The following NELL1 variants were observed in gnomAD, a reference collection of about 807,000 sequenced individuals.
NELL1 encodes the protein neural EGFL like 1.
Under a neutral mutation model 107.4 loss-of-function variants are expected in NELL1, and 76 were observed. That is an observed-to-expected ratio of 0.71 (90% CI 0.59 to 0.86). The LOEUF (loss-of-function observed/expected upper bound fraction) is 0.86, where lower values mean the gene tolerates loss of function less well. NELL1 is among the 40% of genes least tolerant of loss of function. NELL1 has a pLI of 0.00. For synonymous variants in NELL1, 353 were observed against 341.2 expected, an observed-to-expected ratio of 1.03 and a Z score of -0.38; for missense variants, 1,024 against 1,005.5, an observed-to-expected ratio of 1.02 and a Z score of -0.25.
chr11:21,070,365 C>A (rs560975337), intron 12 of NELL1, among the ~76,000 whole-genome samples: 1 of 151,978 alleles, frequency 6.6e-6, no homozygotes, highest in Non-Finnish European at 1.5e-5. Flanking sequence ...GTTTGAGGAT[C>A]CTGGATGAAC....
intron 10 of NELL1, among the ~76,000 whole-genome samples, chr11:20,939,643 AC>A (rs1850807126): frequency 6.6e-6 from 1 of 152,104 alleles, no homozygotes; most frequent in African/African-American, 2.4e-5. Flanking sequence ...TGGAATTATC[AC>A]CCCATTAAGA....
intron 14 of NELL1, among the ~76,000 whole-genome samples, chr11:21,360,648 T>C (rs1851056281): frequency 6.6e-6 from 1 of 152,162 alleles, no homozygotes; most frequent in African/African-American, 2.4e-5. Flanking sequence ...CTAGTAGTAA[T>C]TGTTTTGTAA....
chr11:21,063,396 A>C (rs1385753107), intron 12 of NELL1, among the ~76,000 whole-genome samples: 1 of 151,996 alleles, frequency 6.6e-6, no homozygotes, highest in African/African-American at 2.4e-5. Flanking sequence ...ATTTAGTTGA[A>C]CTCAATCTCT....
At chr11:20,908,970 T>C (rs1349053295) in intron 5 of NELL1, among the ~76,000 whole-genome samples, 2 of 152,326 alleles carry the variant, frequency 1.3e-5, no homozygotes, top group African/African-American at 4.8e-5. Flanking sequence ...ACTTGGTATA[T>C]GTATCCAGTG....
intron 13 of NELL1, among the ~76,000 whole-genome samples, chr11:21,161,589 A>G (rs1044860897): frequency 1.3e-5 from 2 of 152,254 alleles, no homozygotes; most frequent in Middle Eastern, 3.4e-3. Flanking sequence ...CCTCTGTCCC[A>G]TCAGGTTCTG....
chr11:20,682,962 T>G (rs1191016728), intron 2 of NELL1, among the ~76,000 whole-genome samples: 1 of 152,084 alleles, frequency 6.6e-6, no homozygotes, highest in African/African-American at 2.4e-5. Context: ...AACTTTTTAT[T>G]TAAACCAATA....
At chr11:20,839,920 T>A (rs562566153) in intron 3 of NELL1, among the ~76,000 whole-genome samples, 191 of 152,302 alleles carry the variant, frequency 1.3e-3, no homozygotes, top group African/African-American at 4.4e-3. Context: ...CCCAAAGATA[T>A]CTGATTTGTG....
intron 2 of NELL1, among the ~76,000 whole-genome samples, chr11:20,776,440 A>G (rs568947286): frequency 2.0e-5 from 3 of 152,176 alleles, no homozygotes; most frequent in Admixed American, 1.3e-4. Context: ...AGAGTGAGAT[A>G]CTGTCTCAAA....
chr11:21,560,714 A>G (rs560359748), intron 17 of NELL1, among the ~76,000 whole-genome samples: 6 of 152,168 alleles, frequency 3.9e-5, no homozygotes, highest in African/African-American at 1.2e-4. Flanking sequence ...CCCTCATCCC[A>G]CGCTTATACA....
intron 13 of NELL1, among the ~76,000 whole-genome samples, chr11:21,120,846 G>A (rs1855350794): frequency 6.6e-6 from 1 of 152,052 alleles, no homozygotes; most frequent in Admixed American, 6.6e-5. Context: ...TTTATCTGTT[G>A]TTTTCATTTG....
At chr11:21,489,839 A>G (rs1234844923) in intron 15 of NELL1, among the ~76,000 whole-genome samples, 1 of 152,128 alleles carries the variant, frequency 6.6e-6, no homozygotes, top group African/African-American at 2.4e-5. Flanking sequence ...GCTGACTTAC[A>G]TCATAGTGAG....
chr11:21,498,791 AT>A (rs1383366309), intron 15 of NELL1, among the ~76,000 whole-genome samples: 2 of 151,998 alleles, frequency 1.3e-5, no homozygotes, highest in Admixed American at 6.6e-5. Flanking sequence ...TTTTCTACAT[AT>A]TTTCACTGCT....
At chr11:20,737,628 T>C (rs1855792765) in intron 2 of NELL1, among the ~76,000 whole-genome samples, 1 of 152,114 alleles carries the variant, frequency 6.6e-6, no homozygotes, top group South Asian at 2.1e-4. Flanking sequence ...TAGCAAGTGA[T>C]TGAAACATCA....
intron 5 of NELL1, among the ~76,000 whole-genome samples, chr11:20,892,733 A>T (rs904996161): frequency 6.6e-6 from 1 of 152,250 alleles, no homozygotes; most frequent in African/African-American, 2.4e-5. Flanking sequence ...GTTCAAGACC[A>T]GCCTGACCAA....
chr11:21,528,695 T>C (rs1279896959), intron 15 of NELL1, among the ~76,000 whole-genome samples: 3 of 152,124 alleles, frequency 2.0e-5, no homozygotes, highest in Non-Finnish European at 4.4e-5. Flanking sequence ...AAGACAGTTA[T>C]GTTATCATTT....
chr11:21,327,198 G>A (rs1158250038), intron 14 of NELL1, among the ~76,000 whole-genome samples: 1 of 115,102 alleles, frequency 8.7e-6, no homozygotes, highest in Non-Finnish European at 1.7e-5. Flanking sequence ...ACTGTTGTGG[G>A]GTGTAGGAAG....
chr11:21,179,594 A>C (rs542951162), intron 13 of NELL1, among the ~76,000 whole-genome samples: 1 of 151,878 alleles, frequency 6.6e-6, no homozygotes, highest in South Asian at 2.1e-4. Context: ...CTTATGTCAA[A>C]TCTATTAACA....
chr11:21,018,959 T>C (rs542711492), intron 12 of NELL1, among the ~76,000 whole-genome samples: 2 of 152,096 alleles, frequency 1.3e-5, no homozygotes, highest in South Asian at 4.1e-4. Context: ...CTCAAGATGA[T>C]TTAGTCATCA....
At chr11:21,436,854 T>C (rs77064585) in intron 15 of NELL1, among the ~76,000 whole-genome samples, 1,788 of 152,262 alleles carry the variant, frequency 0.012, 39 homozygotes, top group African/African-American at 0.041. Flanking sequence ...TTTTGCTTCT[T>C]AATTTTTTCA....
Sources: allele counts gnomAD v4.1 joint callset (sites outside exome capture counted in the v4.1 genomes callset), GRCh38; gene constraint gnomAD v4.1.1; transcripts MANE v1.5; gene names NCBI Gene and HGNC (gene_info 2026-07-23, HGNC 2026-07-21).